Variants in INSL6 observed in about 807,000 individuals in gnomAD.
INSL6 encodes the protein insulin like 6, also known as insulin-like peptide INSL6.
In INSL6, 16 loss-of-function variants were observed where a neutral mutation model predicts 9.4. The observed-to-expected ratio is 1.70, with a 90% CI of 1.15 to 2.59. The LOEUF is 2.59. Among genes scored for constraint, INSL6 ranks in the 30% most tolerant of loss-of-function variants. INSL6 has a pLI of 0.00. For missense variants in INSL6, 391 were observed against 257.3 expected (o/e 1.52, Z -3.56); for synonymous variants, 154 against 96.9 (o/e 1.59, Z -3.46).
At chr9:5,049,953 A>T in the INSL6 span, among the ~76,000 whole-genome samples, 1 of 152,322 alleles carries the variant, frequency 6.6e-6, no homozygotes, top group African/African-American at 2.4e-5. Context: ...AAAATGCAGT[A>T]TTACAATCTT....
At chr9:5,098,390 T>G in the INSL6 span, 2 of 152,196 alleles carry the variant, frequency 1.3e-5, no homozygotes, top group Non-Finnish European at 2.9e-5. Flanking sequence ...TCCCCTATCA[T>G]AGAAGAACCG....
At chr9:5,130,339 G>C (rs914583864) in intron 3 of INSL6, among the ~76,000 whole-genome samples, 11 of 152,274 alleles carry the variant, frequency 7.2e-5, no homozygotes, top group African/African-American at 2.2e-4. Flanking sequence ...AATCATCTTT[G>C]AGCAGTGTGA....
At chr9:5,065,574 GCAA>G in the INSL6 span, among the ~76,000 whole-genome samples, 2 of 152,292 alleles carry the variant, frequency 1.3e-5, no homozygotes, top group Non-Finnish European at 2.9e-5. Context: ...TGTGGCTAAT[GCAA>G]CCGAGGAACT....
At chr9:5,111,505 C>G in the INSL6 span, 2 of 367,670 alleles carry the variant, frequency 5.4e-6, no homozygotes, top group South Asian at 2.1e-5. Context: ...ATGCCGCCGC[C>G]TATCCATCCG....
At chr9:5,155,858 T>A (rs573258253) in intron 2 of INSL6, among the ~76,000 whole-genome samples, 1 of 152,104 alleles carries the variant, frequency 6.6e-6, no homozygotes. Flanking sequence ...CCATGGCACG[T>A]GTATACCAAT....
the INSL6 span, among the ~76,000 whole-genome samples, chr9:5,053,117 T>C: frequency 7.2e-5 from 11 of 152,124 alleles, no homozygotes; most frequent in Non-Finnish European, 1.6e-4. Flanking sequence ...TAGCAGTACA[T>C]GAAGAGTTCC....
the INSL6 span, among the ~76,000 whole-genome samples, chr9:5,082,440 G>A: frequency 6.6e-6 from 1 of 152,182 alleles, no homozygotes; most frequent in Non-Finnish European, 1.5e-5. Context: ...AACATGTCTC[G>A]CCTCCCGCCA....
At chr9:5,168,163 C>T (rs1318583333) in intron 1 of INSL6, among the ~76,000 whole-genome samples, 2 of 152,160 alleles carry the variant, frequency 1.3e-5, no homozygotes, top group Non-Finnish European at 2.9e-5. Context: ...AGCAAGAGTG[C>T]CTCTTCTCCA....
the INSL6 span, among the ~76,000 whole-genome samples, chr9:5,052,554 T>G: frequency 6.6e-6 from 1 of 152,146 alleles, no homozygotes; most frequent in African/African-American, 2.4e-5. Context: ...TTGTATTATA[T>G]TCACAGGGTT....
the INSL6 span, among the ~76,000 whole-genome samples, chr9:5,069,614 T>C: frequency 6.6e-6 from 1 of 152,098 alleles, no homozygotes. Flanking sequence ...TTATTAAAAT[T>C]CCTGAAAAAT....
the INSL6 span, among the ~76,000 whole-genome samples, chr9:5,016,120 A>G: frequency 2.0e-5 from 3 of 152,164 alleles, no homozygotes; most frequent in Admixed American, 1.3e-4. Flanking sequence ...CAAATAGACT[A>G]TTGGAAGGGG....
At chr9:5,091,118 G>T in the INSL6 span, 1 of 418,868 alleles carries the variant, frequency 2.4e-6, no homozygotes, top group Non-Finnish European at 4.2e-6. Context: ...TTTCTATTAA[G>T]TGTTGTCTTA....
At chr9:5,032,855 GA>G in the INSL6 span, among the ~76,000 whole-genome samples, 189 of 152,286 alleles carry the variant, frequency 1.2e-3, 1 homozygote, top group African/African-American at 4.1e-3. Flanking sequence ...TCCTCCAAAG[GA>G]ACGCAGCTCC....
At chr9:5,072,481 T>C in the INSL6 span, 1 of 1,526,498 alleles carries the variant, frequency 6.6e-7, no homozygotes, top group Non-Finnish European at 8.8e-7. Context: ...TTTTACCTTT[T>C]TCTCTTGAAG....
chr9:5,180,211 T>C (rs1456382168), intron 1 of INSL6, among the ~76,000 whole-genome samples: 3 of 152,212 alleles, frequency 2.0e-5, no homozygotes, highest in Admixed American at 6.5e-5. Flanking sequence ...AATCCTGTTA[T>C]CTTCGTAAGC....
chr9:5,094,075 AG>A, the INSL6 span: 1 of 152,158 alleles, frequency 6.6e-6, no homozygotes, highest in Non-Finnish European at 1.5e-5. Flanking sequence ...TTACAATCAA[AG>A]GTTCAACTCC....
the INSL6 span, among the ~76,000 whole-genome samples, chr9:4,998,394 T>G: frequency 6.6e-6 from 1 of 152,036 alleles, no homozygotes; most frequent in Non-Finnish European, 1.5e-5. Context: ...GTAACTGGGA[T>G]TATAGGCGCG....
At chr9:5,066,666 C>T in the INSL6 span, 1 of 1,460,792 alleles carries the variant, frequency 6.8e-7, no homozygotes, top group Non-Finnish European at 9.6e-7. Flanking sequence ...ATTGCTTCTT[C>T]TTTACCTTTA....
the INSL6 span, among the ~76,000 whole-genome samples, chr9:5,074,191 TTGATA>T: frequency 1.3e-5 from 2 of 152,172 alleles, no homozygotes; most frequent in Non-Finnish European, 2.9e-5. Context: ...AATGATTATG[TTGATA>T]TGATACTAGA....
Sources: gnomAD v4.1 joint callset for allele counts (sites outside exome capture counted in the v4.1 genomes callset) on GRCh38, gnomAD v4.1.1 for gene constraint, MANE v1.5 for transcripts, NCBI Gene and HGNC (gene_info 2026-07-23, HGNC 2026-07-21) for gene names.